FRY: variants seen among roughly 807,000 people sequenced by gnomAD.
FRY encodes the protein FRY microtubule binding protein, also known as protein furry homolog.
FRY carries 128 observed loss-of-function variants against 348.4 expected under a neutral mutation model. The observed-to-expected ratio is 0.37, with a 90% CI of 0.32 to 0.43. The LOEUF (loss-of-function observed/expected upper bound fraction) is 0.43. Among genes scored for constraint, FRY ranks in the 20% least tolerant of loss-of-function variants. The pLI, the probability that FRY is intolerant of heterozygous loss-of-function variation, is 1.00. For missense variants in FRY, 2,736 were observed against 3,695.2 expected (o/e 0.74, Z 6.73); for synonymous variants, 1,370 against 1,374.7 (o/e 1.00, Z 0.08).
chr13:32,212,796 A>C (rs1884758583), intron 35 of FRY, among the ~76,000 whole-genome samples: 1 of 152,204 alleles, frequency 6.6e-6, no homozygotes, highest in African/African-American at 2.4e-5. Flanking sequence ...TTATTATTTT[A>C]CTTTTGCTTT....
At chr13:32,134,472 T>A (rs1327259989) in intron 8 of FRY, among the ~76,000 whole-genome samples, 1 of 152,204 alleles carries the variant, frequency 6.6e-6, no homozygotes, top group African/African-American at 2.4e-5. Context: ...TAAAATAAGT[T>A]CGATGTCTTC....
Position 32,208,756 on chromosome 13 carries a change from G to A in FRY, c.4019-97G>A, listed in dbSNP as rs552573072. ...CTGTATGTGAAAATGTTTTGTAAAC[G>A]TAGGACACTGTTCAGTCTGCAAGTT... On this transcript the variant is annotated intron_variant, in intron 31 of 60. Coordinates refer to ENST00000542859, the MANE Select transcript of FRY (RefSeq NM_023037.3). 1.6e-4 allele frequency: 219 copies of A among 1,412,792 alleles called. 2 individuals are homozygous for A. Among genetic ancestry groups the A allele is most frequent in the South Asian group, 1.5e-3 (131 of 86,602 alleles). The allele number at this position is 1,412,792 out of a possible 1,614,324, so 87.5% of individuals were successfully genotyped here. A position where few individuals can be genotyped will look rare whatever the true frequency, so the allele number is the denominator to read the frequency against.
chr13:32,059,554 G>A (rs1007213729), intron 1 of FRY, among the ~76,000 whole-genome samples: 5 of 124,408 alleles, frequency 4.0e-5, no homozygotes, highest in African/African-American at 8.5e-5. Flanking sequence ...TCTTTTTTTT[G>A]TTATAGATTT....
intron 40 of FRY, among the ~76,000 whole-genome samples, chr13:32,230,265 A>G (rs1204903012): frequency 2.6e-5 from 4 of 152,122 alleles, no homozygotes; most frequent in Admixed American, 1.3e-4. Context: ...ATTCTCCCCA[A>G]TGTGTCCATG....
intron 14 of FRY, 41 bp downstream of exon 14, chr13:32,149,875 T>C: frequency 8.3e-7 from 1 of 1,208,366 alleles, no homozygotes; most frequent in Non-Finnish European, 1.2e-6. Context: ...AGAGCATGTC[T>C]TCCGGAGCCA....
chr13:32,055,101 C>T (rs1411244938), intron 1 of FRY, among the ~76,000 whole-genome samples: 2 of 152,088 alleles, frequency 1.3e-5, no homozygotes, highest in Non-Finnish European at 2.9e-5. Context: ...GGCTGGAGTG[C>T]AGTGGTGTGA....
intron 41 of FRY, among the ~76,000 whole-genome samples, chr13:32,234,361 T>C (rs1390629070): frequency 1.3e-5 from 2 of 151,628 alleles, no homozygotes; most frequent in African/African-American, 2.4e-5. Flanking sequence ...AGGTAGAGGC[T>C]GCAGTGAGCC....
chr13:32,240,882 G>T (rs188464575), intron 46 of FRY, among the ~76,000 whole-genome samples: 12 of 152,266 alleles, frequency 7.9e-5, no homozygotes, highest in Non-Finnish European at 1.5e-4. Flanking sequence ...GGCTCCACAA[G>T]CCTGAAAGCA....
At chr13:32,260,641 G>A (rs1333060872) in intron 51 of FRY, among the ~76,000 whole-genome samples, 2 of 152,208 alleles carry the variant, frequency 1.3e-5, no homozygotes, top group Admixed American at 6.5e-5. Context: ...TTGGGAGGCC[G>A]AGGCGGGTGG....
chr13:32,172,673 G>A (rs1882161139), intron 18 of FRY, among the ~76,000 whole-genome samples: 1 of 152,184 alleles, frequency 6.6e-6, no homozygotes, highest in African/African-American at 2.4e-5. Flanking sequence ...GCTCATGGCA[G>A]TATAGTAGCA....
intron 7 of FRY, among the ~76,000 whole-genome samples, chr13:32,128,985 A>C (rs1879192257): frequency 1.3e-5 from 2 of 152,198 alleles, no homozygotes; most frequent in Admixed American, 1.3e-4. Flanking sequence ...TCCAAGCTCA[A>C]GGTGTTAGCA....
chr13:32,208,352 G>A (rs1593742456), intron 31 of FRY, among the ~76,000 whole-genome samples: 1 of 152,238 alleles, frequency 6.6e-6, no homozygotes, highest in Non-Finnish European at 1.5e-5. Flanking sequence ...TGGATGATAG[G>A]CACTGTGCTG....
intron 53 of FRY, 63 bp downstream of exon 53, chr13:32,262,538 C>A (rs918030100): frequency 3.1e-6 from 4 of 1,285,344 alleles, no homozygotes; most frequent in South Asian, 1.2e-5. Flanking sequence ...AAAACACTTC[C>A]AATTTTCTGA....
chr13:32,118,646 T>G (rs1487747273), intron 4 of FRY, among the ~76,000 whole-genome samples: 2 of 152,184 alleles, frequency 1.3e-5, no homozygotes, highest in African/African-American at 4.8e-5. Flanking sequence ...CCTTTTAAAG[T>G]ATATAATTCA....
At chr13:32,292,461 C>G (rs1889420290) in intron 59 of FRY, among the ~76,000 whole-genome samples, 1 of 152,052 alleles carries the variant, frequency 6.6e-6, no homozygotes, top group South Asian at 2.1e-4. Context: ...CTGTCACATG[C>G]TACAGAGAAA....
chr13:32,241,959 A>G (rs1886534412), intron 46 of FRY, among the ~76,000 whole-genome samples: 1 of 152,162 alleles, frequency 6.6e-6, no homozygotes, highest in African/African-American at 2.4e-5. Context: ...TCACTGTGGT[A>G]TTCCCTGGAA....
At chr13:32,120,903 GC>G (rs1878610196) in intron 4 of FRY, among the ~76,000 whole-genome samples, 1 of 152,100 alleles carries the variant, frequency 6.6e-6, no homozygotes, top group Non-Finnish European at 1.5e-5. Context: ...CTCATGATCC[GC>G]CCACCTTGGC....
At chr13:32,138,422 G>GACCC (rs992461340) in intron 11 of FRY, among the ~76,000 whole-genome samples, 3 of 152,094 alleles carry the variant, frequency 2.0e-5, no homozygotes, top group Non-Finnish European at 4.4e-5. Context: ...TGGCCACAGA[G>GACCC]ACCCCAATTT....
In FRY at chr13:32,202,154, C is replaced by G. The variant is rs962809397; in HGVS notation, c.3846+114C>G. 6 of 827,940 alleles carry G rather than the reference C, an allele frequency of 7.2e-6. No individual in the cohort carries two copies. The African/African-American group carries it at 1.0e-4, about 14-fold the overall frequency. The allele number at this position is 827,940 out of a possible 1,614,324, so 51.3% of individuals were successfully genotyped here. ...TAGGCCTTTGTTTATTTCTGCATAT[C>G]ATTTGTGGCTATGAAGAGTGAGAAA... On this transcript the variant is annotated intron_variant, in intron 30 of 60. Transcript: ENST00000542859.
Sources: allele counts gnomAD v4.1 joint callset (sites outside exome capture counted in the v4.1 genomes callset), GRCh38; gene constraint gnomAD v4.1.1; transcripts MANE v1.5; gene names NCBI Gene and HGNC (gene_info 2026-07-23, HGNC 2026-07-21).